The following ZNF423 variants were observed in gnomAD, a reference collection of about 807,000 sequenced individuals.
ZNF423 encodes zinc finger protein 423, also known as Ebf-associated zinc finger protein.
Under a neutral mutation model 95.8 loss-of-function variants are expected in ZNF423, and 12 were observed. The ratio of observed to expected loss-of-function variants is 0.13; its 90% CI spans 0.08 to 0.20. ZNF423 has a LOEUF of 0.20. Ranked by LOEUF, ZNF423 falls within the 10% of genes least tolerant of loss-of-function variation. The probability of loss-of-function intolerance (pLI) is 1.00; values close to 1 mark genes in which losing one functional copy is unlikely to be tolerated. For synonymous variants in ZNF423, 749 were observed against 711.9 expected, an observed-to-expected ratio of 1.05 and a Z score of -0.83; for missense variants, 1,316 against 1,737.1, an observed-to-expected ratio of 0.76 and a Z score of 4.31.
chr16:49,563,407 T>C (rs1169910377), intron 5 of ZNF423, among the ~76,000 whole-genome samples: 2 of 152,182 alleles, frequency 1.3e-5, no homozygotes, highest in African/African-American at 4.8e-5. Flanking sequence ...ATGCTTCTTC[T>C]ACAGCCTGTA....
chr16:49,599,339 G>A (rs1469193945), intron 5 of ZNF423, among the ~76,000 whole-genome samples: 6 of 152,142 alleles, frequency 3.9e-5, no homozygotes, highest in African/African-American at 1.4e-4. Context: ...AACAATCTGC[G>A]CCCAAGTGAA....
intron 3 of ZNF423, among the ~76,000 whole-genome samples, chr16:49,727,206 C>T (rs192852818): frequency 7.9e-5 from 12 of 152,186 alleles, no homozygotes; most frequent in Non-Finnish European, 1.6e-4. Context: ...TGTCCGAGAC[C>T]TTAAAGTCCA....
At chr16:49,551,551 A>G (rs1282334291) in intron 5 of ZNF423, among the ~76,000 whole-genome samples, 1 of 152,224 alleles carries the variant, frequency 6.6e-6, no homozygotes, top group Non-Finnish European at 1.5e-5. Context: ...AGGCCAAACT[A>G]GTAGCTCTGT....
At chr16:49,692,323 G>A (rs1001506373) in intron 3 of ZNF423, among the ~76,000 whole-genome samples, 10 of 152,026 alleles carry the variant, frequency 6.6e-5, no homozygotes, top group African/African-American at 2.4e-4. Flanking sequence ...GGGGGAAAAC[G>A]ATGAGGCTTT....
At chr16:49,505,083 T>G (rs1396160611) in intron 7 of ZNF423, among the ~76,000 whole-genome samples, 2 of 151,932 alleles carry the variant, frequency 1.3e-5, no homozygotes, top group African/African-American at 4.8e-5. Flanking sequence ...TGGGAGAAAA[T>G]TTTTTCTGAC....
At chr16:49,642,673 C>A (rs1252466203) in intron 3 of ZNF423, among the ~76,000 whole-genome samples, 1 of 152,134 alleles carries the variant, frequency 6.6e-6, no homozygotes, top group Non-Finnish European at 1.5e-5. Context: ...GCCATCCCAC[C>A]CCCTCCAAAT....
intron 7 of ZNF423, among the ~76,000 whole-genome samples, chr16:49,512,307 G>A (rs541414325): frequency 6.6e-6 from 1 of 152,324 alleles, no homozygotes; most frequent in African/African-American, 2.4e-5. Context: ...CCAGACCACA[G>A]GCAGGGCAAT....
At chr16:49,724,771 C>A (rs1389391733) in intron 3 of ZNF423, among the ~76,000 whole-genome samples, 1 of 152,182 alleles carries the variant, frequency 6.6e-6, no homozygotes, top group East Asian at 1.9e-4. Context: ...TCACCTTCGC[C>A]AGAAAAGGAG....
intron 2 of ZNF423, among the ~76,000 whole-genome samples, chr16:49,749,961 C>G (rs1169097618): frequency 1.3e-5 from 2 of 152,230 alleles, no homozygotes; most frequent in Non-Finnish European, 2.9e-5. Context: ...GCCATCCACT[C>G]TCCCCACATC....
At chr16:49,777,715 G>T (rs1202708663) in intron 2 of ZNF423, among the ~76,000 whole-genome samples, 1 of 152,146 alleles carries the variant, frequency 6.6e-6, no homozygotes, top group Non-Finnish European at 1.5e-5. Flanking sequence ...ACCCCAACTA[G>T]CTGTGCAGAC....
At chr16:49,511,388 C>G (rs902243809) in intron 7 of ZNF423, among the ~76,000 whole-genome samples, 1 of 152,238 alleles carries the variant, frequency 6.6e-6, no homozygotes, top group African/African-American at 2.4e-5. Context: ...AACCCCACTG[C>G]CTCAGCCCGC....
intron 5 of ZNF423, among the ~76,000 whole-genome samples, chr16:49,570,159 G>A (rs899882964): frequency 6.6e-6 from 1 of 152,210 alleles, no homozygotes; most frequent in Non-Finnish European, 1.5e-5. Flanking sequence ...GGTAGAAAAA[G>A]GACTTCTAAT....
chr16:49,782,124 G>A, intron 2 of ZNF423, among the ~76,000 whole-genome samples: 1 of 152,370 alleles, frequency 6.6e-6, no homozygotes, highest in East Asian at 1.9e-4. Flanking sequence ...CAAATCCTGA[G>A]AGCTGGCTGC....
intron 5 of ZNF423, among the ~76,000 whole-genome samples, chr16:49,551,258 A>C (rs72784301): frequency 0.11 from 16,629 of 152,256 alleles, 1,228 homozygotes; most frequent in African/African-American, 0.21. Flanking sequence ...CACAGATTCA[A>C]CCTCAGTTCC....
intron 7 of ZNF423, among the ~76,000 whole-genome samples, chr16:49,501,307 G>A (rs952428528): frequency 1.3e-5 from 2 of 152,160 alleles, no homozygotes; most frequent in South Asian, 4.2e-4. Context: ...GTCAGCTCTA[G>A]GCAATGACTG....
chr16:49,844,659 A>C (rs145447143), intron 1 of ZNF423, among the ~76,000 whole-genome samples: 1 of 152,362 alleles, frequency 6.6e-6, no homozygotes, highest in Admixed American at 6.5e-5. Flanking sequence ...CTAGTCACTC[A>C]TTCATTCATT....
At chr16:49,684,998 C>T (rs561001856) in intron 3 of ZNF423, among the ~76,000 whole-genome samples, 1 of 152,300 alleles carries the variant, frequency 6.6e-6, no homozygotes, top group Admixed American at 6.5e-5. Flanking sequence ...GATGGCTGTC[C>T]TCAGGCTCAG....
At chr16:49,832,731 C>A (rs1052226761) in intron 1 of ZNF423, among the ~76,000 whole-genome samples, 1 of 152,098 alleles carries the variant, frequency 6.6e-6, no homozygotes, top group Non-Finnish European at 1.5e-5. Context: ...AGGGGCCAGG[C>A]AGGGACATCA....
chr16:49,540,443 T>A (rs1320120231), intron 5 of ZNF423, among the ~76,000 whole-genome samples: 1 of 113,842 alleles, frequency 8.8e-6, no homozygotes, highest in Non-Finnish European at 1.8e-5. Flanking sequence ...CCCCACTCAT[T>A]TTTTTTTTTC....
Sources: allele counts gnomAD v4.1 joint callset (sites outside exome capture counted in the v4.1 genomes callset), GRCh38; gene constraint gnomAD v4.1.1; transcripts MANE v1.5; gene names NCBI Gene and HGNC (gene_info 2026-07-23, HGNC 2026-07-21).